HAT1: variants seen among roughly 807,000 people sequenced by gnomAD.
HAT1 encodes histone acetyltransferase type B catalytic subunit.
Under a neutral mutation model 56.6 loss-of-function variants are expected in HAT1, and 20 were observed. That is an observed-to-expected ratio of 0.35 (90% CI 0.25 to 0.51). The LOEUF (loss-of-function observed/expected upper bound fraction) is 0.51, where lower values mean the gene tolerates loss of function less well. Among genes scored for constraint, HAT1 ranks in the 20% least tolerant of loss-of-function variants. The pLI, the probability that HAT1 is intolerant of heterozygous loss-of-function variation, is 0.95. For missense variants in HAT1, 408 were observed against 504.3 expected (o/e 0.81, Z 1.83); for synonymous variants, 146 against 165.5 (o/e 0.88, Z 0.91).
At chr2:171,977,749 A>G (rs963979704) in intron 9 of HAT1, among the ~76,000 whole-genome samples, 1 of 150,122 alleles carries the variant, frequency 6.7e-6, no homozygotes, top group African/African-American at 2.4e-5. Flanking sequence ...CCATTTCCCA[A>G]CTCTGCCACA....
At chr2:171,965,038 A>C in intron 4 of HAT1, 1 of 243,366 alleles carries the variant, frequency 4.1e-6, no homozygotes, top group South Asian at 1.1e-4. Context: ...GACTGTCATG[A>C]AGGGGTATAG....
At chr2:171,953,546 C>A (rs990917831) in intron 4 of HAT1, among the ~76,000 whole-genome samples, 10 of 140,938 alleles carry the variant, frequency 7.1e-5, no homozygotes, top group African/African-American at 2.6e-4. Flanking sequence ...ATTACTTGAG[C>A]CCAGGAGCTT....
At chr2:171,980,722 G>A (rs903221354) in intron 10 of HAT1, 1 of 151,928 alleles carries the variant, frequency 6.6e-6, no homozygotes. Flanking sequence ...TGGGTGTGGT[G>A]GTGGGTACCT....
At chr2:171,970,489 G>A (rs1687786149) in intron 8 of HAT1, among the ~76,000 whole-genome samples, 1 of 127,724 alleles carries the variant, frequency 7.8e-6, no homozygotes, top group Non-Finnish European at 1.6e-5. Flanking sequence ...TATTAGCAAT[G>A]CAGTTTCTTT....
In HAT1 at chr2:171,966,532, C is replaced by T. The variant is rs538647373; in HGVS notation, c.716+19C>T. 73 of 1,043,052 alleles carry T rather than the reference C, an allele frequency of 7.0e-5. No individual in the cohort carries two copies. The Middle Eastern group carries it at 1.0e-3, about 14-fold the overall frequency. The allele number at this position is 1,043,052 out of a possible 1,614,324, so 64.6% of individuals were successfully genotyped here. On this transcript the variant is annotated intron_variant, in intron 7 of 10. Transcript: ENST00000264108. The stretch of plus-strand genomic sequence containing the variant: ...GTGTAAGGTAATTGGCAGTATAACA[C>T]GTGCCTTGTCTTTTATTTCAGAAGA...
chr2:171,975,105 T>G (rs2105344074), intron 8 of HAT1, among the ~76,000 whole-genome samples: 1 of 149,376 alleles, frequency 6.7e-6, no homozygotes, highest in Middle Eastern at 3.4e-3. Context: ...TTTCTTTCTT[T>G]TTTTTTTTTT....
At position 171,953,263 on chromosome 2, in the gene HAT1, T is replaced by A. The variant is rs552094251; in HGVS notation, c.309+262T>A. Among the ~76,000 whole-genome samples, 18 of 152,262 alleles carry A rather than the reference T, an allele frequency of 1.2e-4. No individual in the cohort carries two copies. In the East Asian group the frequency reaches 3.3e-3, roughly 28 times the overall value. On this transcript the variant is annotated intron_variant, in intron 4 of 10. Transcript: ENST00000264108. The stretch of plus-strand genomic sequence containing the variant: ...CAGGAGGCTGAGGTCAGAGGATGGC[T>A]TGAGCCCAGGAGGCAGAGGCTACAG...
chr2:171,968,677 C>T (rs534458237), intron 8 of HAT1, among the ~76,000 whole-genome samples: 1 of 152,110 alleles, frequency 6.6e-6, no homozygotes, highest in South Asian at 2.1e-4. Context: ...TAACATTTCT[C>T]AGCATTTAAA....
intron 2 of HAT1, among the ~76,000 whole-genome samples, chr2:171,945,597 G>A (rs887424178): frequency 3.3e-5 from 5 of 150,418 alleles, no homozygotes; most frequent in Non-Finnish European, 5.9e-5. Context: ...GGATTTAAGC[G>A]ATTCTCCTGC....
chr2:171,925,703 T>C lies in HAT1; in HGVS notation c.112+62T>C, dbSNP rs952845416. ...CTGTGTGTGTATATATAATCTTTCA[T>C]TTTAAATTTGAAGTAAAATTTTATG... On this transcript the variant is annotated intron_variant, in intron 2 of 10. Transcript: ENST00000264108. 1.7e-5 allele frequency: 12 copies of C among 723,200 alleles called. No individual in the cohort carries two copies. In the African/African-American group the frequency reaches 1.8e-4, roughly 11 times the overall value. 44.8% of individuals were successfully genotyped at this position (723,200 alleles called of 1,614,324 possible).
At position 171,970,496 on chromosome 2, in the gene HAT1, C is replaced by CTTTTTTTTT. The variant is rs61462189; in HGVS notation, c.823+3580_823+3588dup. ...TAAATCAGTATTAGCAATGCAGTTT[C>CTTTTTTTTT]TTTTTTTTTTTTTTTTTTTTTTTTT... On this transcript the variant is annotated intron_variant, in intron 8 of 10. Transcript: ENST00000264108. Among the ~76,000 whole-genome samples, 11 of 74,988 alleles carry CTTTTTTTTT rather than the reference C, an allele frequency of 1.5e-4. 1 individual carries two copies. The highest frequency in any genetic ancestry group is 5.4e-4 in the African/African-American group (8 of 14,796). The allele number at this position is 74,988 out of a possible 152,430, so 49.2% of individuals were successfully genotyped here. A position where few individuals can be genotyped will look rare whatever the true frequency, so the allele number is the denominator to read the frequency against.
intron 9 of HAT1, among the ~76,000 whole-genome samples, chr2:171,978,016 TCTGATATTTCCTTGATACC>T (rs1688030811): frequency 6.6e-6 from 1 of 151,988 alleles, no homozygotes; most frequent in Non-Finnish European, 1.5e-5. Context: ...TCCTGATTCT[TCTGATATTTCCTTGATACC>T]ATTTGTCTTT....
At chr2:171,965,652 G>T in intron 5 of HAT1, 135 bp downstream of exon 5, 1 of 974,318 alleles carries the variant, frequency 1.0e-6, no homozygotes, top group South Asian at 1.6e-5. Flanking sequence ...TCTATTTTGT[G>T]TGTATGTCTG....
At chr2:171,968,829 C>CT (rs1687744726) in intron 8 of HAT1, among the ~76,000 whole-genome samples, 1 of 152,028 alleles carries the variant, frequency 6.6e-6, no homozygotes, top group Non-Finnish European at 1.5e-5. Context: ...ATTGTGTGTG[C>CT]TTTTTTAGCT....
intron 9 of HAT1, among the ~76,000 whole-genome samples, chr2:171,977,851 T>A (rs530182535): frequency 6.6e-6 from 1 of 151,984 alleles, no homozygotes; most frequent in Admixed American, 6.6e-5. Flanking sequence ...GTACTCATTT[T>A]TTCAGGTTCA....
chr2:171,977,680 G>C (rs1469316229), intron 9 of HAT1, among the ~76,000 whole-genome samples: 5 of 149,492 alleles, frequency 3.3e-5, no homozygotes, highest in Admixed American at 2.0e-4. Context: ...CAGCCTGTTA[G>C]TACTTTGCCA....
intron 2 of HAT1, among the ~76,000 whole-genome samples, chr2:171,927,696 T>C (rs1343132492): frequency 6.6e-6 from 1 of 152,192 alleles, no homozygotes; most frequent in Non-Finnish European, 1.5e-5. Context: ...CAAGTAATTC[T>C]TGTGCCTCAG....
At position 171,925,579 on chromosome 2, in the gene HAT1, C is replaced by A; in HGVS notation, c.50C>A (p.Ala17Glu). The change falls in exon 2 of 11, where the codon GCA becomes GAA. Residue 17 changes from alanine to glutamate, a missense_variant. By Grantham distance (107) the Ala-to-Glu change is moderately radical. Coordinates refer to ENST00000264108, the MANE Select transcript of HAT1 (RefSeq NM_003642.4). ...AAATTTTTGGTAGAATATAAGAGTG[C>A]AGTGGAGAAGAAACTGGCAGAGTAC... is the stretch of plus-strand genomic sequence containing the variant. ...MEKFLVEYKSAVEKKLAEYKC... is the reference protein window; with the variant it reads ...MEKFLVEYKSEVEKKLAEYKC... 6.3e-7 allele frequency: 1 copy of A among 1,581,174 alleles called. No homozygotes were observed. Among genetic ancestry groups the A allele is most frequent in the Non-Finnish European group, 8.7e-7 (1 of 1,150,120 alleles).
intron 4 of HAT1, among the ~76,000 whole-genome samples, chr2:171,955,695 A>G (rs1243161257): frequency 6.6e-6 from 1 of 152,108 alleles, no homozygotes; most frequent in African/African-American, 2.4e-5. Context: ...TGTAGGAGAG[A>G]ACACCTGTAT....
Sources: allele counts gnomAD v4.1 joint callset (sites outside exome capture counted in the v4.1 genomes callset), GRCh38; gene constraint gnomAD v4.1.1; transcripts MANE v1.5; gene names NCBI Gene and HGNC (gene_info 2026-07-23, HGNC 2026-07-21).